Variants in HSF2BP observed in about 807,000 individuals in gnomAD.
The protein encoded by HSF2BP is heat shock factor 2-binding protein.
HSF2BP carries 35 observed loss-of-function variants against 35.0 expected under a neutral mutation model. That is an observed-to-expected ratio of 1.00 (90% confidence interval 0.76 to 1.32). The LOEUF is 1.32. Among genes scored for constraint, HSF2BP ranks in the 40% most tolerant of loss-of-function variants. The pLI is 0.00. For synonymous variants in HSF2BP, 114 were observed against 117.4 expected, an observed-to-expected ratio of 0.97 and a Z score of 0.18; for missense variants, 326 against 321.7, an observed-to-expected ratio of 1.01 and a Z score of -0.10.
intron 7 of HSF2BP, among the ~76,000 whole-genome samples, chr21:43,604,628 A>AC (rs2082101442): frequency 7.4e-6 from 1 of 134,680 alleles, no homozygotes; most frequent in African/African-American, 2.8e-5. Flanking sequence ...TACACCACAC[A>AC]ATCATACAGC....
At chr21:43,467,873 AACACACCAC>A in the HSF2BP span, among the ~76,000 whole-genome samples, 1,499 of 40,320 alleles carry the variant, frequency 0.037, 34 homozygotes, top group Non-Finnish European at 0.06. Context: ...ACACACACCA[AACACACCAC>A]ACACACCACA....
chr21:43,613,792 T>C (rs1454433475), intron 7 of HSF2BP, 38 bp downstream of exon 7: 1 of 1,341,688 alleles, frequency 7.5e-7, no homozygotes, highest in Non-Finnish European at 1.1e-6. Flanking sequence ...CTAATTAATA[T>C]GTAAATAGAA....
chr21:43,637,178 G>A (rs191369480), intron 4 of HSF2BP, among the ~76,000 whole-genome samples: 97 of 152,112 alleles, frequency 6.4e-4, no homozygotes, highest in Non-Finnish European at 1.1e-3. Flanking sequence ...CCCATCAACT[G>A]GTGAATGGAT....
Position 43,658,078 on chromosome 21 carries a change from C to A in HSF2BP, c.19G>T (p.Ala7Ser). 1 of 1,535,396 alleles carries A rather than the reference C, an allele frequency of 6.5e-7. No homozygotes were observed. Among genetic ancestry groups the A allele is most frequent in the South Asian group, 1.2e-5 (1 of 83,848 alleles). The change falls in exon 2 of 9, where the codon GCT becomes TCT. Residue 7 changes from alanine (A) to serine (S), a missense_variant. Transcript: ENST00000291560. MGEAGA[A>S]EEACRHMGTK... is the part of the protein sequence containing the mutation. Reference sequence around the variant, plus strand: ...TCACTAACCCGGCAGGCCTCCTCAGCGGCGCCCGCTTCGCCCATGGCCGCT... The same window carrying A: ...TCACTAACCCGGCAGGCCTCCTCAGAGGCGCCCGCTTCGCCCATGGCCGCT...
chr21:43,627,557 C>T (rs774164026), intron 6 of HSF2BP, among the ~76,000 whole-genome samples: 2 of 152,122 alleles, frequency 1.3e-5, no homozygotes, highest in East Asian at 1.9e-4. Flanking sequence ...CCAAAATAAA[C>T]ATACCCGGTA....
chr21:43,593,183 C>T lies in HSF2BP; in HGVS notation c.693-855G>A, dbSNP rs552071862. ...AGTGGCTTCACGCAGAGGGACCGAGCGAAAAGCCTCAGAGAGACACGGACA... is the reference window on the plus strand; with the variant it reads ...AGTGGCTTCACGCAGAGGGACCGAGTGAAAAGCCTCAGAGAGACACGGACA... On this transcript the variant is annotated intron_variant, in intron 7 of 8. Coordinates refer to ENST00000291560, the MANE Select transcript of HSF2BP (RefSeq NM_007031.2). Among the ~76,000 whole-genome samples, 263 of 152,156 alleles carry T rather than the reference C, an allele frequency of 1.7e-3. 2 individuals carry two copies. The highest frequency in any genetic ancestry group is 6.0e-3 in the African/African-American group (247 of 41,484).
chr21:43,646,115 C>T (rs947051875), intron 3 of HSF2BP, among the ~76,000 whole-genome samples: 2 of 145,876 alleles, frequency 1.4e-5, no homozygotes, highest in Non-Finnish European at 3.0e-5. Flanking sequence ...GCCAGGAGTT[C>T]GAGACCAGCC....
At chr21:43,605,574 TCCC>T (rs981279103) in intron 7 of HSF2BP, among the ~76,000 whole-genome samples, 5 of 103,288 alleles carry the variant, frequency 4.8e-5, no homozygotes, top group African/African-American at 2.0e-4. Context: ...ACCACAAACA[TCCC>T]CCAACATACA....
intron 3 of HSF2BP, among the ~76,000 whole-genome samples, chr21:43,647,952 A>C (rs1044251139): frequency 2.2e-4 from 34 of 151,410 alleles, no homozygotes; most frequent in Non-Finnish European, 3.7e-4. Context: ...AAAAAAAAAA[A>C]CTAAAATCAA....
intron 8 of HSF2BP, among the ~76,000 whole-genome samples, chr21:43,585,588 A>C (rs2081839517): frequency 6.6e-6 from 1 of 151,634 alleles, no homozygotes; most frequent in African/African-American, 2.4e-5. Context: ...GAGGGTTGCA[A>C]TGAGCCAAGA....
At chr21:43,593,364 G>GA (rs1219185336) in intron 7 of HSF2BP, among the ~76,000 whole-genome samples, 1 of 152,136 alleles carries the variant, frequency 6.6e-6, no homozygotes, top group African/African-American at 2.4e-5. Context: ...GACATTAAAG[G>GA]AAAGGATCCT....
At chr21:43,615,439 T>C (rs1568915474) in intron 6 of HSF2BP, among the ~76,000 whole-genome samples, 2 of 152,250 alleles carry the variant, frequency 1.3e-5, no homozygotes, top group East Asian at 3.8e-4. Flanking sequence ...GAATATAAAA[T>C]TTCATGTTAC....
the HSF2BP span, among the ~76,000 whole-genome samples, chr21:43,507,175 G>A: frequency 3.1e-5 from 4 of 129,556 alleles, 1 homozygote; most frequent in Non-Finnish European, 7.1e-5. Context: ...ATTAAAGAAC[G>A]TGTAAGCAGA....
intron 2 of HSF2BP, among the ~76,000 whole-genome samples, chr21:43,657,475 G>C (rs149566595): frequency 6.6e-6 from 1 of 152,316 alleles, no homozygotes; most frequent in African/African-American, 2.4e-5. Context: ...TTCCTACTGG[G>C]TTTGCCAAGC....
chr21:43,657,731 G>A (rs1037934551), intron 2 of HSF2BP: 2 of 638,524 alleles, frequency 3.1e-6, no homozygotes, highest in African/African-American at 3.9e-5. Flanking sequence ...CAGGGGGCCA[G>A]GGCCTTCGGA....
intron 3 of HSF2BP, among the ~76,000 whole-genome samples, chr21:43,649,961 G>T (rs982349195): frequency 3.3e-5 from 5 of 152,184 alleles, no homozygotes; most frequent in African/African-American, 1.2e-4. Context: ...ACCACCATCT[G>T]CAACTCCTTA....
At chr21:43,581,045 G>A (rs1000251711) in intron 8 of HSF2BP, among the ~76,000 whole-genome samples, 1 of 152,166 alleles carries the variant, frequency 6.6e-6, no homozygotes, top group Non-Finnish European at 1.5e-5. Context: ...GGGGGAGTGG[G>A]CACACTGCCC....
intron 7 of HSF2BP, among the ~76,000 whole-genome samples, chr21:43,612,036 G>A (rs968102231): frequency 5.9e-5 from 9 of 152,106 alleles, no homozygotes; most frequent in Admixed American, 3.3e-4. Context: ...GCCACTGGGC[G>A]GCACTCACGA....
intron 8 of HSF2BP, among the ~76,000 whole-genome samples, chr21:43,574,651 C>G (rs1025647079): frequency 6.6e-6 from 1 of 152,212 alleles, no homozygotes; most frequent in African/African-American, 2.4e-5. Context: ...GCCACTGCGC[C>G]CAGCCCTAAG....
Sources: gnomAD v4.1 joint callset for allele counts (sites outside exome capture counted in the v4.1 genomes callset) on GRCh38, gnomAD v4.1.1 for gene constraint, MANE v1.5 for transcripts, NCBI Gene and HGNC (gene_info 2026-07-23, HGNC 2026-07-21) for gene names.